Variants in DPP10 observed in about 807,000 individuals in gnomAD.
DPP10 encodes dipeptidyl peptidase like 10.
DPP10 carries 33 observed loss-of-function variants against 120.9 expected under a neutral mutation model. The ratio of observed to expected loss-of-function variants is 0.27; its 90% CI spans 0.21 to 0.37. The LOEUF (loss-of-function observed/expected upper bound fraction) is 0.37. Among genes scored for constraint, DPP10 ranks in the 10% least tolerant of loss-of-function variants. DPP10 has a pLI of 1.00. For missense variants in DPP10, 816 were observed against 942.8 expected (o/e 0.87, Z 1.76); for synonymous variants, 337 against 326.1 (o/e 1.03, Z -0.36).
intron 19 of DPP10, among the ~76,000 whole-genome samples, chr2:115,805,093 T>C (rs1048328514): frequency 6.6e-6 from 1 of 152,288 alleles, no homozygotes. Context: ...TTGGAGCTTC[T>C]GGGCTGCTTT....
At chr2:115,057,485 T>A (rs1706018956) in intron 1 of DPP10, among the ~76,000 whole-genome samples, 1 of 152,200 alleles carries the variant, frequency 6.6e-6, no homozygotes, top group Non-Finnish European at 1.5e-5. Context: ...GTAGATGTAC[T>A]AAACCCATTA....
rs1705771139 is a variant in DPP10, at chr2:115,054,756, C to A, written c.61-254483C>A. Among the ~76,000 whole-genome samples, 3 of 152,088 alleles carry A rather than the reference C, an allele frequency of 2.0e-5. No homozygotes were observed. The South Asian group carries it at 6.2e-4, about 32-fold the overall frequency. On this transcript the variant is annotated intron_variant, in intron 1 of 25. Transcript: ENST00000410059. ...TGAAACCCAGTCTCTACTAAAAATA[C>A]AAAAATTAGCCAGGCGTGGTGGCAC...
At chr2:114,523,250 C>A (rs892023084) in intron 1 of DPP10, among the ~76,000 whole-genome samples, 1 of 152,138 alleles carries the variant, frequency 6.6e-6, no homozygotes, top group African/African-American at 2.4e-5. Flanking sequence ...AGGGGCTGGA[C>A]TTTTGTTCCC....
intron 2 of DPP10, among the ~76,000 whole-genome samples, chr2:115,321,992 AAC>A (rs1244405418): frequency 6.6e-6 from 1 of 152,096 alleles, no homozygotes; most frequent in Non-Finnish European, 1.5e-5. Context: ...GAGCATATTT[AAC>A]ACAATTGATT....
chr2:114,718,400 GAAAAAAAAAAAA>G (rs71297184), intron 1 of DPP10, among the ~76,000 whole-genome samples: 4 of 81,180 alleles, frequency 4.9e-5, no homozygotes, highest in Non-Finnish European at 9.2e-5. Flanking sequence ...GACTCTGTTT[GAAAAAAAAAAAA>G]AAAAAAAAAA....
intron 1 of DPP10, among the ~76,000 whole-genome samples, chr2:115,267,130 A>G (rs2059495061): frequency 6.6e-6 from 1 of 152,146 alleles, no homozygotes; most frequent in South Asian, 2.1e-4. Flanking sequence ...TATATGCTAG[A>G]AGGAATCAAG....
At chr2:114,737,995 C>T (rs1574074159) in intron 1 of DPP10, among the ~76,000 whole-genome samples, 1 of 152,210 alleles carries the variant, frequency 6.6e-6, no homozygotes. Context: ...GGCTGGGAAG[C>T]CTTAGGAAAC....
At chr2:115,190,782 G>A (rs1217275673) in intron 1 of DPP10, among the ~76,000 whole-genome samples, 2 of 152,176 alleles carry the variant, frequency 1.3e-5, no homozygotes, top group Non-Finnish European at 2.9e-5. Flanking sequence ...GATAATCTGG[G>A]TCTCTGGCCT....
chr2:114,572,357 A>G (rs1425093090), intron 1 of DPP10, among the ~76,000 whole-genome samples: 1 of 152,218 alleles, frequency 6.6e-6, no homozygotes, highest in Admixed American at 6.5e-5. Flanking sequence ...AGGCCCCCCA[A>G]AATAATACAA....
intron 1 of DPP10, among the ~76,000 whole-genome samples, chr2:115,217,458 A>T (rs1026334205): frequency 6.6e-6 from 1 of 152,158 alleles, no homozygotes; most frequent in Non-Finnish European, 1.5e-5. Context: ...CATTTGCTTC[A>T]TGGCTTTACT....
intron 13 of DPP10, 85 bp downstream of exon 13, chr2:115,768,489 G>A: frequency 1.7e-6 from 2 of 1,203,602 alleles, no homozygotes; most frequent in Non-Finnish European, 1.2e-6. Flanking sequence ...TAAACCTCTA[G>A]TTCATGGTGG....
At chr2:115,380,931 C>T (rs940913535) in intron 3 of DPP10, among the ~76,000 whole-genome samples, 1 of 152,176 alleles carries the variant, frequency 6.6e-6, no homozygotes, top group African/African-American at 2.4e-5. Flanking sequence ...CGCTGTTAGT[C>T]TGATGGGCTT....
chr2:114,850,364 AAAG>A (rs1203367198), intron 1 of DPP10, among the ~76,000 whole-genome samples: 1 of 152,138 alleles, frequency 6.6e-6, no homozygotes, highest in East Asian at 1.9e-4. Context: ...ACTTATCTAA[AAAG>A]AAGAGATAAA....
At chr2:115,109,878 C>G (rs2049130078) in intron 1 of DPP10, among the ~76,000 whole-genome samples, 1 of 152,164 alleles carries the variant, frequency 6.6e-6, no homozygotes, top group Admixed American at 6.5e-5. Flanking sequence ...CCTAAACTTT[C>G]AACAATGCTG....
intron 1 of DPP10, among the ~76,000 whole-genome samples, chr2:114,580,701 G>A (rs1477358681): frequency 2.7e-5 from 4 of 149,276 alleles, no homozygotes; most frequent in South Asian, 2.1e-4. Context: ...CTAAAGCACC[G>A]CATTAATCAT....
At chr2:114,614,327 T>C (rs933180282) in intron 1 of DPP10, among the ~76,000 whole-genome samples, 1 of 152,298 alleles carries the variant, frequency 6.6e-6, no homozygotes, top group Admixed American at 6.5e-5. Context: ...AAAGTCCCTC[T>C]AAGTATTGTG....
intron 1 of DPP10, among the ~76,000 whole-genome samples, chr2:114,872,316 T>C (rs1250964560): frequency 6.6e-6 from 1 of 152,044 alleles, no homozygotes; most frequent in East Asian, 1.9e-4. Context: ...AAAGCCATCA[T>C]ATTCCAAGAA....
At chr2:114,861,319 C>T (rs574603902) in intron 1 of DPP10, among the ~76,000 whole-genome samples, 1 of 152,250 alleles carries the variant, frequency 6.6e-6, no homozygotes, top group South Asian at 2.1e-4. Flanking sequence ...TGCCCAACTC[C>T]CACATGACAA....
chr2:115,372,148 ATTATAGT>A (rs1214218095), intron 3 of DPP10, among the ~76,000 whole-genome samples: 2 of 152,044 alleles, frequency 1.3e-5, no homozygotes, highest in Non-Finnish European at 2.9e-5. Context: ...AATTTTGTTG[ATTATAGT>A]TTAAATGGAA....
Sources: allele counts gnomAD v4.1 joint callset (sites outside exome capture counted in the v4.1 genomes callset), GRCh38; gene constraint gnomAD v4.1.1; transcripts MANE v1.5; gene names NCBI Gene and HGNC (gene_info 2026-07-23, HGNC 2026-07-21).